Variants in RARB observed in about 807,000 individuals in gnomAD.
RARB encodes the protein retinoic acid receptor beta.
In RARB, 17 loss-of-function variants were observed where a neutral mutation model predicts 51.9. The ratio of observed to expected loss-of-function variants is 0.33; its 90% CI spans 0.22 to 0.49. The LOEUF (loss-of-function observed/expected upper bound fraction) is 0.49. RARB is among the 20% of genes least tolerant of loss of function. The pLI is 0.99. For synonymous variants in RARB, 215 were observed against 195.4 expected (o/e 1.10, Z -0.84); for missense variants, 369 against 550.8 (o/e 0.67, Z 3.30).
intron 1 of RARB, among the ~76,000 whole-genome samples, chr3:25,453,317 G>A (rs1267283883): frequency 2.1e-5 from 3 of 145,314 alleles, no homozygotes; most frequent in African/African-American, 7.7e-5. Context: ...GCACGATCTC[G>A]GCTCACTGCA....
chr3:24,918,060 C>T lies in RARB; in HGVS notation c.-380+59308C>T, dbSNP rs147684564. On this transcript the variant is annotated intron_variant, in intron 2 of 11. Coordinates refer to the RARB transcript ENST00000383772. ...GTCCACACCTAGCATGCTATGCAAA[C>T]GAAAGGAAAACATACATCCACACAA... 1.2e-3 allele frequency among the ~76,000 whole-genome samples: 183 copies of T among 152,216 alleles called. 1 individual carries two copies. Among genetic ancestry groups the T allele is most frequent in the African/African-American group, 3.7e-3 (152 of 41,516 alleles).
rs1575553988 is a variant in RARB, at chr3:25,596,738, G to T, written c.*122G>T. The T allele has an allele frequency of 1.1e-6, 1 of 884,842 alleles. No individual in the cohort carries two copies. The highest frequency in any genetic ancestry group is 2.7e-5 in the East Asian group (1 of 37,492). The allele number at this position is 884,842 out of a possible 1,614,324, so 54.8% of individuals were successfully genotyped here. On this transcript the variant is annotated 3_prime_UTR_variant, in exon 8 of 8. Coordinates refer to ENST00000330688, the MANE Select transcript of RARB (RefSeq NM_000965.5). ...TGAAAAGATATTAAAACTCAAGAAG[G>T]ACCAAGAAGTTTTCATATGTATCAA...
At chr3:25,227,301 T>C (rs1050925455) in intron 5 of RARB, among the ~76,000 whole-genome samples, 1 of 152,238 alleles carries the variant, frequency 6.6e-6, no homozygotes, top group Admixed American at 6.5e-5. Context: ...ACATATTAAC[T>C]AAGTGTAGTA....
chr3:25,281,418 T>C (rs1223227283), intron 5 of RARB, among the ~76,000 whole-genome samples: 1 of 152,230 alleles, frequency 6.6e-6, no homozygotes, highest in Non-Finnish European at 1.5e-5. Context: ...GGCTGGGGTT[T>C]CCCTGTAATC....
chr3:25,068,008 A>T (rs1698696639), intron 3 of RARB, among the ~76,000 whole-genome samples: 1 of 151,618 alleles, frequency 6.6e-6, no homozygotes, highest in South Asian at 2.1e-4. Context: ...ACAGTGCCGC[A>T]CACCTGTAAT....
intron 5 of RARB, among the ~76,000 whole-genome samples, chr3:25,284,856 G>A (rs1703611591): frequency 6.6e-6 from 1 of 152,206 alleles, no homozygotes; most frequent in Non-Finnish European, 1.5e-5. Flanking sequence ...TTTTGTATAT[G>A]TGGGTTCCAC....
chr3:25,366,193 T>C (rs1299626771), intron 5 of RARB, among the ~76,000 whole-genome samples: 4 of 152,218 alleles, frequency 2.6e-5, no homozygotes, highest in Non-Finnish European at 5.9e-5. Flanking sequence ...ATGGGTGTTG[T>C]TATTTCTATA....
intron 1 of RARB, among the ~76,000 whole-genome samples, chr3:25,436,518 AG>A (rs1303714480): frequency 6.6e-6 from 1 of 152,220 alleles, no homozygotes; most frequent in Non-Finnish European, 1.5e-5. Context: ...ATTTATTGAA[AG>A]CTTTAATTGT....
chr3:25,238,147 A>G (rs1702345737), intron 5 of RARB, among the ~76,000 whole-genome samples: 2 of 145,610 alleles, frequency 1.4e-5, no homozygotes, highest in Admixed American at 6.9e-5. Flanking sequence ...TTCATCCTCC[A>G]GCGCCCCCCC....
intron 5 of RARB, among the ~76,000 whole-genome samples, chr3:25,345,600 G>T (rs904981016): frequency 2.0e-5 from 3 of 151,072 alleles, no homozygotes; most frequent in African/African-American, 4.9e-5. Flanking sequence ...AAGAGGTGGA[G>T]GTTGCAGTGA....
chr3:25,016,789 T>G (rs1697518243), intron 2 of RARB, among the ~76,000 whole-genome samples: 1 of 152,068 alleles, frequency 6.6e-6, no homozygotes, highest in Non-Finnish European at 1.5e-5. Flanking sequence ...AGGAGTCTTC[T>G]GTTAGAACTC....
At chr3:25,046,984 C>G (rs1428811418) in intron 2 of RARB, among the ~76,000 whole-genome samples, 1 of 152,136 alleles carries the variant, frequency 6.6e-6, no homozygotes, top group African/African-American at 2.4e-5. Context: ...ATATTTTATC[C>G]TGTGCCCAGA....
At chr3:25,024,814 G>T (rs967775240) in intron 2 of RARB, among the ~76,000 whole-genome samples, 1 of 151,874 alleles carries the variant, frequency 6.6e-6, no homozygotes, top group Non-Finnish European at 1.5e-5. Context: ...TTGGCTGGGC[G>T]TGGTGACACA....
intron 2 of RARB, among the ~76,000 whole-genome samples, chr3:24,874,223 C>T (rs931889572): frequency 1.3e-5 from 2 of 151,914 alleles, no homozygotes; most frequent in African/African-American, 2.4e-5. Flanking sequence ...ACTACTGATT[C>T]TTTGAAATTG....
chr3:25,398,588 T>C (rs534911958), intron 5 of RARB, among the ~76,000 whole-genome samples: 1 of 152,336 alleles, frequency 6.6e-6, no homozygotes, highest in East Asian at 1.9e-4. Context: ...GATACACTGA[T>C]AATTCCAAGC....
intron 2 of RARB, among the ~76,000 whole-genome samples, chr3:24,864,553 C>T (rs138429937): frequency 6.6e-6 from 1 of 152,178 alleles, no homozygotes; most frequent in African/African-American, 2.4e-5. Context: ...CTCAGACTCA[C>T]TCTCTCATAT....
chr3:25,174,374 C>A (rs1055731732), exon 5 of RARB: 2 of 1,351,316 alleles, frequency 1.5e-6, no homozygotes, highest in Non-Finnish European at 2.0e-6. Context: ...TCCAGAGCAC[C>A]TTTCTTTCTG....
rs753673931 is a variant in RARB, at chr3:25,428,849, T to C, written c.118T>C (p.Leu40=). 5 of 1,613,922 alleles carry C rather than the reference T, an allele frequency of 3.1e-6. No homozygotes were observed. The African/African-American group carries it at 4.0e-5, about 13-fold the overall frequency. Reference sequence around the variant, plus strand: ...AGCTCTCAAAGCATGCTTCAGTGGATTGACCCAAACCGAATGGCAGCATCG... The same window carrying C: ...AGCTCTCAAAGCATGCTTCAGTGGACTGACCCAAACCGAATGGCAGCATCG... ...EKALKACFSG[L]TQTEWQHRHT... is the part of the protein sequence containing the mutation. The change falls in exon 1 of 8, where the codon TTG becomes CTG. Residue 40 remains leucine, a synonymous_variant. Coordinates refer to ENST00000330688, the MANE Select transcript of RARB (RefSeq NM_000965.5).
intron 3 of RARB, among the ~76,000 whole-genome samples, chr3:25,113,626 A>G (rs1056955350): frequency 6.6e-6 from 1 of 152,182 alleles, no homozygotes; most frequent in Non-Finnish European, 1.5e-5. Context: ...ATCACCACTG[A>G]GTGCTAGCTT....
Sources: allele counts gnomAD v4.1 joint callset (sites outside exome capture counted in the v4.1 genomes callset), GRCh38; gene constraint gnomAD v4.1.1; transcripts MANE v1.5; gene names NCBI Gene and HGNC (gene_info 2026-07-23, HGNC 2026-07-21).